The following SFMBT2 variants were observed in gnomAD, a reference collection of about 807,000 sequenced individuals.
SFMBT2 encodes the protein Scm like with four mbt domains 2, also known as scm-like with four MBT domains protein 2.
SFMBT2 carries 38 observed loss-of-function variants against 110.1 expected under a neutral mutation model. The observed-to-expected ratio is 0.35, with a 90% CI of 0.27 to 0.45. The LOEUF (loss-of-function observed/expected upper bound fraction) is 0.45. SFMBT2 is among the 20% of genes least tolerant of loss of function. SFMBT2 has a pLI of 1.00. For missense variants in SFMBT2, 1,011 were observed against 1,094.9 expected (o/e 0.92, Z 1.08); for synonymous variants, 425 against 425.4 (o/e 1.00, Z 0.01).
intron 1 of SFMBT2, among the ~76,000 whole-genome samples, chr10:7,405,154 G>A (rs771012832): frequency 1.3e-4 from 20 of 152,336 alleles, no homozygotes; most frequent in Non-Finnish European, 2.6e-4. Context: ...GAACTTCAGA[G>A]TGGATGCTCA....
intron 9 of SFMBT2, among the ~76,000 whole-genome samples, chr10:7,228,672 CTTCTTTCTTTCTTTCTTTCTTTCT>C (rs60421208): frequency 1.2e-3 from 104 of 85,034 alleles, no homozygotes; most frequent in Middle Eastern, 6.8e-3. Context: ...ACTAAAGTGG[CTTCTTTCTTTCTTTCTTTCTTTCT>C]TTCTTTCTTT....
Position 7,197,559 on chromosome 10 carries a change from C to T in SFMBT2, c.1687G>A (p.Val563Ile). 2 of 1,614,044 alleles carry T rather than the reference C, an allele frequency of 1.2e-6. No individual in the cohort carries two copies. The highest frequency in any genetic ancestry group is 1.7e-6 in the Non-Finnish European group (2 of 1,179,954). The stretch of plus-strand genomic sequence containing the variant: ...TGCACGGGCTTTACCTCTTTAAGAA[C>T]CAGCACGCATTTGCCCGGTCCCACC... ...QSVGPGKCVL[V>I]LKEVLSMIIN... Residue 563 changes from valine to isoleucine, a missense_variant, in exon 15 of 21, where the codon GTT (valine) becomes ATT (isoleucine). Transcript: ENST00000397167.
In SFMBT2 at chr10:7,288,619, A is replaced by G. The variant is rs75440622; in HGVS notation, c.437-2665T>C. On this transcript the variant is annotated intron_variant, in intron 4 of 20. Coordinates refer to ENST00000397167, the MANE Select transcript of SFMBT2 (RefSeq NM_001387889.1). ...ACAAGATATACAAGCCAAATGAACT[A>G]AAATCTGGACTCATTTTATGCTTTA... Among the ~76,000 whole-genome samples, 31 of 152,336 alleles carry G rather than the reference A, an allele frequency of 2.0e-4. No homozygotes were observed. The East Asian group carries it at 5.0e-3, about 25-fold the overall frequency.
chr10:7,264,841 T>A (rs1217461171), intron 7 of SFMBT2, among the ~76,000 whole-genome samples: 2 of 151,822 alleles, frequency 1.3e-5, no homozygotes, highest in East Asian at 3.9e-4. Flanking sequence ...GTTCCTTATA[T>A]CTTTATTCTC....
At chr10:7,183,447 A>G (rs984215320) in intron 16 of SFMBT2, among the ~76,000 whole-genome samples, 1 of 152,250 alleles carries the variant, frequency 6.6e-6, no homozygotes, top group Non-Finnish European at 1.5e-5. Flanking sequence ...GCTGGTTGTC[A>G]GCGCAGGACA....
chr10:7,352,842 T>C (rs777786675), intron 4 of SFMBT2, among the ~76,000 whole-genome samples: 1 of 152,070 alleles, frequency 6.6e-6, no homozygotes, highest in Non-Finnish European at 1.5e-5. Flanking sequence ...AAACCCTGTC[T>C]CTACTAAAAA....
intron 4 of SFMBT2, among the ~76,000 whole-genome samples, chr10:7,351,063 T>C (rs535196602): frequency 7.2e-4 from 109 of 152,334 alleles, no homozygotes; most frequent in Middle Eastern, 3.4e-3. Flanking sequence ...GTGATATCAA[T>C]ATGCATGACT....
rs746403622 is a variant in SFMBT2, at chr10:7,285,813, C to CA, written c.525+52dup. 1.1e-5 allele frequency: 9 copies of CA among 842,494 alleles called. No homozygotes were observed. In the South Asian group the frequency reaches 1.2e-4, roughly 11 times the overall value. 52.2% of individuals were successfully genotyped at this position (842,494 alleles called of 1,614,324 possible). ...GCAAAGGTGCTGTCAGGTCTGAGCT[C>CA]ACGTAACTGGGGTGCTTCAGAGATA... is the stretch of plus-strand genomic sequence containing the variant. On this transcript the variant is annotated intron_variant, in intron 5 of 20. Coordinates refer to ENST00000397167, the MANE Select transcript of SFMBT2 (RefSeq NM_001387889.1).
chr10:7,238,692 C>T (rs1840338343), intron 9 of SFMBT2, among the ~76,000 whole-genome samples: 1 of 152,228 alleles, frequency 6.6e-6, no homozygotes, highest in African/African-American at 2.4e-5. Flanking sequence ...CCAATTACTT[C>T]AGCCTTTGCT....
chr10:7,306,545 C>T (rs570226606), intron 4 of SFMBT2, among the ~76,000 whole-genome samples: 33 of 152,158 alleles, frequency 2.2e-4, no homozygotes, highest in African/African-American at 7.2e-4. Context: ...AGAAAAAGTT[C>T]GCTAACCCCC....
rs147737812 is a variant in SFMBT2 at position 7,201,610 on chromosome 10, C to T, written c.1487+870G>A. Among the ~76,000 whole-genome samples, 655 of 152,328 alleles carry T rather than the reference C, an allele frequency of 4.3e-3. 3 individuals are homozygous for T. The highest frequency in any genetic ancestry group is 6.4e-3 in the Non-Finnish European group (434 of 68,020). ...TCATCTTATTTAAATTTAAACTCGA[C>T]TACCGCAAGTGAAAAATGCTGTTTT... On this transcript the variant is annotated intron_variant, in intron 13 of 20. Transcript: ENST00000397167.
intron 1 of SFMBT2, among the ~76,000 whole-genome samples, chr10:7,392,003 A>C (rs76638482): frequency 0.022 from 3,402 of 152,284 alleles, 52 homozygotes; most frequent in Middle Eastern, 0.051. Flanking sequence ...CATGGTAAGT[A>C]GCACTCTAGT....
intron 4 of SFMBT2, among the ~76,000 whole-genome samples, chr10:7,306,855 AAT>A: frequency 6.6e-6 from 1 of 152,324 alleles, no homozygotes. Flanking sequence ...CTAGATTATC[AAT>A]AAGTGTGTTA....
chr10:7,240,658 A>C (rs1465747618), intron 9 of SFMBT2, among the ~76,000 whole-genome samples: 2 of 152,084 alleles, frequency 1.3e-5, no homozygotes, highest in African/African-American at 2.4e-5. Context: ...CCGTCTCACC[A>C]AGCTGAGGTT....
chr10:7,409,778 T>G (rs1453773897), intron 1 of SFMBT2, among the ~76,000 whole-genome samples: 2 of 151,888 alleles, frequency 1.3e-5, no homozygotes, highest in Non-Finnish European at 2.9e-5. Context: ...TCAAAACCTT[T>G]ATTTTCAGTT....
chr10:7,345,147 G>A (rs548711239), intron 4 of SFMBT2, among the ~76,000 whole-genome samples: 1 of 152,100 alleles, frequency 6.6e-6, no homozygotes, highest in African/African-American at 2.4e-5. Context: ...CACAGAATCA[G>A]AAAGCTGAAT....
In SFMBT2 at chr10:7,344,912, T is replaced by C. The variant is rs184816603; in HGVS notation, c.436+22737A>G. On this transcript the variant is annotated intron_variant, in intron 4 of 20. Coordinates refer to ENST00000397167, the MANE Select transcript of SFMBT2 (RefSeq NM_001387889.1). ...AGACGGAGCTTGCAGTGAGCCGAGA[T>C]TGCGCCACTGCACTCCAGCCTGGGC... Among the ~76,000 whole-genome samples, 536 of 144,610 alleles carry C rather than the reference T, an allele frequency of 3.7e-3. 2 individuals are homozygous for C. The highest frequency in any genetic ancestry group is 0.013 in the African/African-American group (505 of 38,166). 94.9% of individuals were successfully genotyped at this position (144,610 alleles called of 152,430 possible).
intron 16 of SFMBT2, among the ~76,000 whole-genome samples, chr10:7,177,686 G>C (rs528161371): frequency 6.6e-6 from 1 of 152,086 alleles, no homozygotes; most frequent in South Asian, 2.1e-4. Flanking sequence ...GCAGCATAGC[G>C]AGACCCCCAT....
Position 7,170,886 on chromosome 10 carries a change from G to C in SFMBT2, c.2544+42C>G. 6.2e-7 allele frequency: 1 copy of C among 1,613,060 alleles called. No individual in the cohort carries two copies. The highest frequency in any genetic ancestry group is 8.5e-7 in the Non-Finnish European group (1 of 1,179,354). The stretch of plus-strand genomic sequence containing the variant: ...ACACGAGGTTCATTTCAGATGCAGA[G>C]TCTCAGCACATCAAACAATCGACAC... On this transcript the variant is annotated intron_variant, in intron 20 of 20. Coordinates refer to ENST00000397167, the MANE Select transcript of SFMBT2 (RefSeq NM_001387889.1). The surrounding 1 kb of genome is among the most constrained non-coding windows in gnomAD (Gnocchi z 4.6).
Sources: allele counts gnomAD v4.1 joint callset (sites outside exome capture counted in the v4.1 genomes callset), GRCh38; gene constraint gnomAD v4.1.1; non-coding constraint Gnocchi (gnomAD v3.1); transcripts MANE v1.5; gene names NCBI Gene and HGNC (gene_info 2026-07-23, HGNC 2026-07-21).